COP1: variants seen among roughly 807,000 people sequenced by gnomAD.
COP1 encodes COP1 E3 ubiquitin ligase.
In COP1, 24 loss-of-function variants were observed where a neutral mutation model predicts 101.3. The observed-to-expected ratio is 0.24, with a 90% confidence interval of 0.17 to 0.33. COP1 has a LOEUF of 0.33. COP1 is among the 10% of genes least tolerant of loss of function. COP1 has a pLI of 1.00. For missense variants in COP1, 663 were observed against 906.2 expected (o/e 0.73, Z 3.45); for synonymous variants, 347 against 341.9 (o/e 1.01, Z -0.17).
At chr1:176,018,341 G>C (rs1487391943) in intron 15 of COP1, 1 of 152,128 alleles carries the variant, frequency 6.6e-6, no homozygotes, top group African/African-American at 2.4e-5. Context: ...TTTTAAGGAA[G>C]TCTCAGTTAT....
intron 15 of COP1, among the ~76,000 whole-genome samples, chr1:175,997,367 G>A (rs1417006225): frequency 6.6e-6 from 1 of 151,908 alleles, no homozygotes; most frequent in Non-Finnish European, 1.5e-5. Flanking sequence ...AACACCAAAA[G>A]CAATGGCAAC....
intron 18 of COP1, among the ~76,000 whole-genome samples, chr1:175,955,767 C>CACACACACACACACACAA (rs1553275353): frequency 0.061 from 97 of 1,592 alleles, 1 homozygote; most frequent in South Asian, 0.2. Context: ...AGAGACAAAC[C>CACACACACACACACACAA]ACACACACAC....
At position 175,986,775 on chromosome 1, in the gene COP1, C is replaced by T. The variant is rs189958343; in HGVS notation, c.2133+168G>A. ...ACCATGACATTGCTCTATTACTATG[C>T]ATTTCAATCACTACCTAAAATGCCT... On this transcript the variant is annotated intron_variant, in intron 18 of 19. Transcript: ENST00000367669. Among the ~76,000 whole-genome samples, 457 of 152,312 alleles carry T rather than the reference C, an allele frequency of 3.0e-3. 2 individuals are homozygous for T. Among genetic ancestry groups the T allele is most frequent in the African/African-American group, 0.01 (430 of 41,576 alleles).
At chr1:175,955,340 C>G (rs1467686010) in intron 18 of COP1, among the ~76,000 whole-genome samples, 1 of 152,156 alleles carries the variant, frequency 6.6e-6, no homozygotes. Context: ...AAAGGAACTT[C>G]TTCAAGGTGA....
At position 175,986,881 on chromosome 1, in the gene COP1, C is replaced by A. The variant is rs1657247297; in HGVS notation, c.2133+62G>T. The A allele has an allele frequency of 8.8e-6, 11 of 1,243,592 alleles. No homozygotes were observed. The East Asian group carries it at 1.2e-4, about 14-fold the overall frequency. The allele number at this position is 1,243,592 out of a possible 1,614,324, so 77.0% of individuals were successfully genotyped here. ...TTTATATTTTAAAATTTAATCAAAC[C>A]CTGTGTATACATAATGCATAATATG... On this transcript the variant is annotated intron_variant, in intron 18 of 19. Coordinates refer to ENST00000367669, the MANE Select transcript of COP1 (RefSeq NM_022457.7).
chr1:176,087,178 C>T (rs1163814078), intron 9 of COP1, among the ~76,000 whole-genome samples: 6 of 152,084 alleles, frequency 3.9e-5, no homozygotes, highest in African/African-American at 1.4e-4. Flanking sequence ...TAGGCAGTAC[C>T]ATTCAGGACA....
At chr1:176,206,417 G>T in intron 1 of COP1, 155 bp downstream of exon 1, 2 of 771,814 alleles carry the variant, frequency 2.6e-6, no homozygotes, top group Non-Finnish European at 4.0e-6. Flanking sequence ...GAGCTCGAAT[G>T]CCTGCAAACG....
At chr1:176,124,765 C>T (rs903442935) in intron 8 of COP1, among the ~76,000 whole-genome samples, 2 of 152,048 alleles carry the variant, frequency 1.3e-5, no homozygotes, top group South Asian at 4.1e-4. Flanking sequence ...TATACGTTTC[C>T]TTTCTTTTGG....
intron 6 of COP1, among the ~76,000 whole-genome samples, chr1:176,146,775 T>A (rs1230811863): frequency 1.3e-5 from 2 of 152,166 alleles, no homozygotes; most frequent in Non-Finnish European, 2.9e-5. Context: ...GACATCAAAT[T>A]TGAGAGTAAT....
At chr1:176,022,674 G>A (rs1666951824) in intron 15 of COP1, among the ~76,000 whole-genome samples, 1 of 152,180 alleles carries the variant, frequency 6.6e-6, no homozygotes, top group Admixed American at 6.5e-5. Flanking sequence ...AAGGTACAAT[G>A]AAAGGCAATG....
intron 11 of COP1, among the ~76,000 whole-genome samples, 180 bp from the exon 12 acceptor site, chr1:176,046,504 T>C (rs975125152): frequency 1.3e-5 from 2 of 152,064 alleles, no homozygotes; most frequent in African/African-American, 2.4e-5. Flanking sequence ...TTGTGTAATA[T>C]AAAACTTTTA....
chr1:176,111,878 G>C (rs143151511), intron 9 of COP1, among the ~76,000 whole-genome samples: 57 of 152,228 alleles, frequency 3.7e-4, no homozygotes, highest in Admixed American at 9.2e-4. Flanking sequence ...TCAGTGCAAT[G>C]TATCATGTCA....
Position 176,135,019 on chromosome 1 carries a change from G to T in COP1, c.959C>A (p.Pro320Gln). The T allele has an allele frequency of 6.2e-7, 1 of 1,608,558 alleles. No homozygotes were observed. The highest frequency in any genetic ancestry group is 8.5e-7 in the Non-Finnish European group (1 of 1,175,472). Reference sequence around the variant, plus strand: ...AGTGTGAAGCTTGTACCTGTGTGATGGAGAAGGAGCTTCAAATTGAGGCAC... The same window carrying T: ...AGTGTGAAGCTTGTACCTGTGTGATTGAGAAGGAGCTTCAAATTGAGGCAC... ...STVPQFEAPS[P>Q]SHSSIIDSTE... Residue 320 changes from proline (P) to glutamine (Q), a missense_variant, in exon 8 of 20, where the codon CCA becomes CAA. Transcript: ENST00000367669.
At chr1:176,186,287 A>AT (rs1169854083) in intron 1 of COP1, among the ~76,000 whole-genome samples, 12 of 151,836 alleles carry the variant, frequency 7.9e-5, no homozygotes, top group Non-Finnish European at 1.3e-4. Flanking sequence ...CTCTATGCAA[A>AT]TTTTTTAAAA....
intron 18 of COP1, among the ~76,000 whole-genome samples, chr1:175,954,164 T>C (rs1368607237): frequency 5.3e-5 from 8 of 152,062 alleles, no homozygotes; most frequent in Non-Finnish European, 1.2e-4. Flanking sequence ...CCACAAGTAT[T>C]TGCAAATTTA....
intron 15 of COP1, among the ~76,000 whole-genome samples, chr1:176,023,621 G>A (rs1667155750): frequency 6.6e-6 from 1 of 151,678 alleles, no homozygotes; most frequent in African/African-American, 2.4e-5. Flanking sequence ...GGGAGGCTGA[G>A]GCAGGAGAAT....
chr1:176,071,538 T>A (rs181442233), intron 11 of COP1, among the ~76,000 whole-genome samples: 295 of 152,208 alleles, frequency 1.9e-3, no homozygotes, highest in Admixed American at 4.5e-3. Flanking sequence ...TTGAAAAAAA[T>A]TAAGCATAAA....
intron 15 of COP1, among the ~76,000 whole-genome samples, chr1:175,995,943 A>G (rs2148815835): frequency 1.3e-5 from 2 of 152,248 alleles, no homozygotes. Context: ...AGACACAACC[A>G]AAAAAGAGAA....
intron 9 of COP1, among the ~76,000 whole-genome samples, chr1:176,088,465 T>C (rs984851883): frequency 2.0e-5 from 3 of 152,204 alleles, no homozygotes; most frequent in African/African-American, 4.8e-5. Context: ...AAGATGAATG[T>C]TCCATATGTT....
Sources: gnomAD v4.1 joint callset for allele counts (sites outside exome capture counted in the v4.1 genomes callset) on GRCh38, gnomAD v4.1.1 for gene constraint, MANE v1.5 for transcripts, NCBI Gene and HGNC (gene_info 2026-07-23, HGNC 2026-07-21) for gene names.